The following LRRTM4 variants were observed in gnomAD, a reference collection of about 807,000 sequenced individuals.
LRRTM4 encodes the protein leucine-rich repeat transmembrane neuronal protein 4.
Under a neutral mutation model 47.6 loss-of-function variants are expected in LRRTM4, and 25 were observed. The ratio of observed to expected loss-of-function variants is 0.53; its 90% CI spans 0.38 to 0.73. LRRTM4 has a LOEUF of 0.73. Ranked by LOEUF, LRRTM4 falls within the 30% of genes least tolerant of loss-of-function variation. The probability of loss-of-function intolerance (pLI) is 0.00; values close to 1 mark genes in which losing one functional copy is unlikely to be tolerated. For missense variants in LRRTM4, 638 were observed against 713.4 expected, an observed-to-expected ratio of 0.89 and a Z score of 1.20; for synonymous variants, 311 against 269.5, an observed-to-expected ratio of 1.15 and a Z score of -1.51.
At chr2:77,069,429 G>C (rs999788561) in intron 3 of LRRTM4, among the ~76,000 whole-genome samples, 1 of 149,774 alleles carries the variant, frequency 6.7e-6, no homozygotes. Context: ...GTGTGTGTGT[G>C]TGTGTGTGTT....
At chr2:77,223,365 C>G (rs959012692) in intron 3 of LRRTM4, among the ~76,000 whole-genome samples, 9 of 152,140 alleles carry the variant, frequency 5.9e-5, no homozygotes, top group Admixed American at 1.3e-4. Context: ...CCAGGGCAAT[C>G]AGGCAGTAGA....
intron 3 of LRRTM4, among the ~76,000 whole-genome samples, chr2:77,148,183 C>G (rs1169088817): frequency 6.6e-6 from 1 of 152,164 alleles, no homozygotes; most frequent in East Asian, 1.9e-4. Flanking sequence ...CTAACTTTTA[C>G]TTCATGAACA....
chr2:76,761,524 T>A (rs1166045810), intron 3 of LRRTM4, among the ~76,000 whole-genome samples: 1 of 152,214 alleles, frequency 6.6e-6, no homozygotes, highest in Non-Finnish European at 1.5e-5. Context: ...TACCTTGCAG[T>A]GATGGCAAAG....
chr2:77,447,098 G>A (rs977462209), intron 3 of LRRTM4, among the ~76,000 whole-genome samples: 1 of 152,074 alleles, frequency 6.6e-6, no homozygotes, highest in Non-Finnish European at 1.5e-5. Flanking sequence ...CATATACAAT[G>A]TGAATGAACA....
In LRRTM4 at chr2:76,748,458, G is replaced by A. The variant is rs553914984; in HGVS notation, c.*237C>T. 3.7e-6 allele frequency: 2 copies of A among 540,522 alleles called. No individual in the cohort carries two copies. The highest frequency in any genetic ancestry group is 3.4e-5 in the Admixed American group (1 of 28,988). 33.5% of individuals were successfully genotyped at this position (540,522 alleles called of 1,614,324 possible). A position where few individuals can be genotyped will look rare whatever the true frequency, so the allele number is the denominator to read the frequency against. On this transcript the variant is annotated 3_prime_UTR_variant, in exon 4 of 4. Coordinates refer to ENST00000409884, the MANE Select transcript of LRRTM4 (RefSeq NM_001134745.3). ...ACTATTTACATCCGGGAGCATTTTT[G>A]TTTGTTTTATGTTTTAAAGCAAAGA...
chr2:77,128,546 C>A (rs902928951), intron 3 of LRRTM4, among the ~76,000 whole-genome samples: 1 of 152,194 alleles, frequency 6.6e-6, no homozygotes, highest in African/African-American at 2.4e-5. Flanking sequence ...CGGTAAGTCC[C>A]ATCTAGTAAA....
At chr2:77,178,446 C>T (rs1037565372) in intron 3 of LRRTM4, among the ~76,000 whole-genome samples, 7 of 151,856 alleles carry the variant, frequency 4.6e-5, no homozygotes, top group African/African-American at 7.3e-5. Flanking sequence ...ATTAGCCAGG[C>T]GTGGTGGCGC....
At chr2:77,480,823 GAGAGAGAGAGA>G (rs1249045098) in intron 3 of LRRTM4, among the ~76,000 whole-genome samples, 55 of 24,506 alleles carry the variant, frequency 2.2e-3, no homozygotes, top group African/African-American at 6.9e-3. Flanking sequence ...TGTGTGTGTG[GAGAGAGAGAGA>G]GAGAGAGAGA....
chr2:76,784,429 A>C (rs561422463), intron 3 of LRRTM4, among the ~76,000 whole-genome samples: 1 of 152,192 alleles, frequency 6.6e-6, no homozygotes, highest in African/African-American at 2.4e-5. Context: ...AAATAATTTG[A>C]ACACACACAA....
At chr2:77,211,777 C>G (rs138042517) in intron 3 of LRRTM4, among the ~76,000 whole-genome samples, 1 of 151,830 alleles carries the variant, frequency 6.6e-6, no homozygotes, top group African/African-American at 2.4e-5. Context: ...AGATTTTAAG[C>G]GAAATATCAG....
At chr2:76,895,645 C>T (rs529372664) in intron 3 of LRRTM4, among the ~76,000 whole-genome samples, 1 of 152,012 alleles carries the variant, frequency 6.6e-6, no homozygotes, top group Non-Finnish European at 1.5e-5. Context: ...ATCCAGCAAA[C>T]TCTTCAGGTT....
chr2:77,459,584 C>T (rs1676697689), intron 3 of LRRTM4, among the ~76,000 whole-genome samples: 2 of 151,078 alleles, frequency 1.3e-5, no homozygotes. Context: ...TACACTACAT[C>T]ATATAATGAA....
intron 3 of LRRTM4, among the ~76,000 whole-genome samples, chr2:76,826,424 A>T (rs1041473496): frequency 6.6e-6 from 1 of 151,656 alleles, no homozygotes; most frequent in African/African-American, 2.4e-5. Context: ...AAAAGGAAAA[A>T]AATAATAAAG....
At position 77,521,668 on chromosome 2, in the gene LRRTM4, C is replaced by T. The variant is rs1436587732; in HGVS notation, c.4G>A (p.Gly2Ser). Residue 2 changes from glycine to serine, a missense_variant and splice_region_variant, in exon 2 of 4, where the codon GGT becomes AGT. By Grantham distance (56) the Gly-to-Ser change is moderately conservative. Transcript: ENST00000409884. ...AAGGAAACAACAAAAGTTCACTTAC[C>T]CATCCTTTGTCATCCAAAAACGTTT... is the stretch of plus-strand genomic sequence containing the variant. M[G>S]FHLITQLKGM... The T allele has an allele frequency of 6.2e-7, 1 of 1,611,928 alleles. No individual in the cohort carries two copies. The highest frequency in any genetic ancestry group is 8.5e-7 in the Non-Finnish European group (1 of 1,179,012).
intron 3 of LRRTM4, among the ~76,000 whole-genome samples, chr2:77,300,963 A>G (rs966497401): frequency 1.3e-5 from 2 of 152,066 alleles, no homozygotes; most frequent in African/African-American, 4.8e-5. Context: ...GTAAATGGAA[A>G]AGCACTTTAA....
At chr2:77,029,070 TA>T (rs1490043362) in intron 3 of LRRTM4, among the ~76,000 whole-genome samples, 3 of 138,510 alleles carry the variant, frequency 2.2e-5, no homozygotes, top group African/African-American at 7.7e-5. Flanking sequence ...TATATATATA[TA>T]ATATATATAT....
At chr2:77,071,241 TAACTTA>T (rs897900960) in intron 3 of LRRTM4, among the ~76,000 whole-genome samples, 3 of 152,198 alleles carry the variant, frequency 2.0e-5, no homozygotes, top group Non-Finnish European at 2.9e-5. Context: ...AATAATTACA[TAACTTA>T]AACTTTAATT....
chr2:77,134,086 A>G (rs1227543653), intron 3 of LRRTM4, among the ~76,000 whole-genome samples: 1 of 152,122 alleles, frequency 6.6e-6, no homozygotes, highest in African/African-American at 2.4e-5. Context: ...ATCCATATCT[A>G]CTTATCTGTA....
intron 3 of LRRTM4, among the ~76,000 whole-genome samples, chr2:77,207,347 G>GTGTA (rs1553409275): frequency 4.8e-5 from 4 of 83,396 alleles, no homozygotes; most frequent in Admixed American, 1.3e-4. Flanking sequence ...TTTCATATAT[G>GTGTA]TGTATATATA....
Sources: allele counts gnomAD v4.1 joint callset (sites outside exome capture counted in the v4.1 genomes callset), GRCh38; gene constraint gnomAD v4.1.1; transcripts MANE v1.5; gene names NCBI Gene and HGNC (gene_info 2026-07-23, HGNC 2026-07-21).